The following RPS11 variants were observed in gnomAD, a reference collection of about 807,000 sequenced individuals.
RPS11 encodes the protein small ribosomal subunit protein uS17.
For synonymous variants in RPS11, 107 were observed against 78.0 expected (o/e 1.37, Z -1.96); for missense variants, 127 against 211.4 (o/e 0.60, Z 2.48).
chr19:49,497,712 G>C (rs768923901), intron 3 of RPS11, 117 bp downstream of exon 3: 1 of 1,160,702 alleles, frequency 8.6e-7, no homozygotes, highest in Admixed American at 1.7e-5. Context: ...TGTAGGTCCA[G>C]GTACATTGGC....
At chr19:49,496,596 G>C (rs993791554) in intron 1 of RPS11, 125 bp downstream of exon 1, 38 of 1,039,072 alleles carry the variant, frequency 3.7e-5, no homozygotes, top group Admixed American at 1.2e-4. Context: ...TTATTTTCTA[G>C]AGATTAACTG....
At chr19:49,499,396 T>C in intron 4 of RPS11, 116 bp from the exon 5 acceptor site, 1 of 1,126,818 alleles carries the variant, frequency 8.9e-7, no homozygotes, top group Admixed American at 2.5e-5. Flanking sequence ...TAGAGCTTGG[T>C]TGGGGTTTGG....
rs552444271 is a variant in RPS11, at chr19:49,496,996, G to C, written c.16-198G>C. ...ATAAATTGAAATAACCTCGGGCTTA[G>C]ATCTGAGTATGAATTACAGGTAAGG... is the stretch of plus-strand genomic sequence containing the variant. On this transcript the variant is annotated intron_variant, in intron 1 of 4. Coordinates refer to ENST00000270625, the MANE Select transcript of RPS11 (RefSeq NM_001015.5). 2.6e-5 allele frequency among the ~76,000 whole-genome samples: 4 copies of C among 152,202 alleles called. No individual in the cohort carries two copies. In the East Asian group the frequency reaches 7.7e-4, roughly 29 times the overall value.
intron 2 of RPS11, 76 bp downstream of exon 2, chr19:49,497,401 C>T: frequency 6.2e-7 from 1 of 1,603,802 alleles, no homozygotes; most frequent in Non-Finnish European, 8.5e-7. Context: ...GCCCTGCCTG[C>T]ATCTAAGTGG....
chr19:49,499,625 A>G lies in RPS11; in HGVS notation c.467A>G (p.Gln156Arg). 6.2e-7 allele frequency: 1 copy of G among 1,613,526 alleles called. No individual in the cohort carries two copies. The highest frequency in any genetic ancestry group is 8.5e-7 in the Non-Finnish European group (1 of 1,179,756). Residue 156 changes from glutamine to arginine, a missense_variant, in exon 5 of 5, where the codon CAG becomes CGG. Transcript: ENST00000270625. ...GCTGCCGGCACCAAGAAGCAGTTCC[A>G]GAAGTTCTGAGGCTGGACATCGGCC... ...TKAAGTKKQF[Q>R]KF is the part of the protein sequence containing the mutation.
chr19:49,497,907 C>T lies in RPS11; in HGVS notation c.224-10C>T. The T allele has an allele frequency of 6.2e-7, 1 of 1,614,154 alleles. No homozygotes were observed. Among genetic ancestry groups the T allele is most frequent in the Non-Finnish European group, 8.5e-7 (1 of 1,180,026 alleles). On this transcript the variant is annotated splice_polypyrimidine_tract_variant and intron_variant, in intron 3 of 4. Transcript: ENST00000270625. Reference sequence around the variant, plus strand: ...ATGGGACCTGACCTATGATCGGCCCCCGCTCCTAGGCGTGGTGACCAAGAT... The same window carrying T: ...ATGGGACCTGACCTATGATCGGCCCTCGCTCCTAGGCGTGGTGACCAAGAT...
Position 49,497,328 on chromosome 19 carries a change from G to T in RPS11, c.147+3G>T. 1 of 1,614,028 alleles carries T rather than the reference G, an allele frequency of 6.2e-7. No individual in the cohort carries two copies. Among genetic ancestry groups the T allele is most frequent in the Non-Finnish European group, 8.5e-7 (1 of 1,179,952 alleles). On this transcript the variant is annotated splice_donor_region_variant and intron_variant, in intron 2 of 4. Transcript: ENST00000270625. ...TGGGCTTCAAGACACCCAAGGAGGT[G>T]CGGGGAACCTCAGAAGAAAGAAGGG... is the stretch of plus-strand genomic sequence containing the variant.
chr19:49,498,600 G>C (rs1250718655), intron 4 of RPS11, among the ~76,000 whole-genome samples: 1 of 152,110 alleles, frequency 6.6e-6, no homozygotes, highest in Non-Finnish European at 1.5e-5. Context: ...AAAAATACAA[G>C]TTTGCCAGGT....
At chr19:49,497,397 C>A (rs1403036477) in intron 2 of RPS11, 72 bp downstream of exon 2, 3 of 1,605,374 alleles carry the variant, frequency 1.9e-6, no homozygotes, top group African/African-American at 2.7e-5. Flanking sequence ...AGTTGCCCTG[C>A]CTGCATCTAA....
rs904434220 is a variant in RPS11 at position 49,497,069 on chromosome 19, G to A, written c.16-125G>A. The A allele has an allele frequency of 5.0e-5, 58 of 1,152,120 alleles. 1 individual carries two copies. In the South Asian group the frequency reaches 8.8e-4, roughly 17 times the overall value. 71.4% of individuals were successfully genotyped at this position (1,152,120 alleles called of 1,614,324 possible). ...GGTGATTCTGGGGCACCAGGCCTTGGACGCCGGCGCTTTGCAAGTAAATGT... is the reference window on the plus strand; with the variant it reads ...GGTGATTCTGGGGCACCAGGCCTTGAACGCCGGCGCTTTGCAAGTAAATGT... On this transcript the variant is annotated intron_variant, in intron 1 of 4. Coordinates refer to ENST00000270625, the MANE Select transcript of RPS11 (RefSeq NM_001015.5).
chr19:49,498,282 T>C (rs1212591971), intron 4 of RPS11: 2 of 529,294 alleles, frequency 3.8e-6, no homozygotes, highest in Non-Finnish European at 6.8e-6. Context: ...GCATACATAG[T>C]GAGATGTTTT....
Position 49,497,160 on chromosome 19 carries a change from A to G in RPS11, c.16-34A>G, listed in dbSNP as rs535802139. ...CTGGTTGGCTGCCGGCTTCAAACTT[A>G]GCAGCTCATCAGTTTTCTCCTCATA... On this transcript the variant is annotated intron_variant, in intron 1 of 4. Coordinates refer to ENST00000270625, the MANE Select transcript of RPS11 (RefSeq NM_001015.5). The G allele has an allele frequency of 1.6e-5, 25 of 1,609,886 alleles. No individual in the cohort carries two copies. In the African/African-American group the frequency reaches 2.2e-4, roughly 14 times the overall value.
intron 1 of RPS11, 142 bp from the exon 2 acceptor site, chr19:49,497,052 T>G (rs1477907693): frequency 1.2e-6 from 1 of 862,318 alleles, no homozygotes; most frequent in Non-Finnish European, 1.8e-6. Flanking sequence ...AGGGTGATTC[T>G]GGGGCACCAG....
chr19:49,499,449 AGGGCCTCCTG>A (rs2079923691), intron 4 of RPS11, 53 bp from the exon 5 acceptor site: 21 of 1,563,590 alleles, frequency 1.3e-5, no homozygotes, highest in Non-Finnish European at 1.8e-5. Context: ...AAGGGGAGGG[AGGGCCTCCTG>A]GGGTCTGCTG....
Position 49,496,478 on chromosome 19 carries a change from A to G in RPS11, c.15+7A>G, listed in dbSNP as rs2079906738. On this transcript the variant is annotated splice_region_variant and intron_variant, in intron 1 of 4. Transcript: ENST00000270625. ...GAAGATGGCGGACATTCAGGTGCGG[A>G]CTCGGGGTTGGATGCCAGGGTGCGG... 1 of 1,609,926 alleles carries G rather than the reference A, an allele frequency of 6.2e-7. No individual in the cohort carries two copies. Among genetic ancestry groups the G allele is most frequent in the Admixed American group, 1.7e-5 (1 of 59,758 alleles).
At position 49,497,968 on chromosome 19, in the gene RPS11, A is replaced by G; in HGVS notation, c.275A>G (p.Tyr92Cys). Reference sequence around the variant, plus strand: ...AGGACCATTGTCATCCGCCGAGACTATCTGCACTACATCCGCAAGTACAAC... The same window carrying G: ...AGGACCATTGTCATCCGCCGAGACTGTCTGCACTACATCCGCAAGTACAAC... ...MQRTIVIRRD[Y>C]LHYIRKYNRF... is the part of the protein sequence containing the mutation. Residue 92 changes from tyrosine (Y) to cysteine (C), a missense_variant, in exon 4 of 5, where the codon TAT becomes TGT. By Grantham distance (194) the Tyr-to-Cys change is radical. Transcript: ENST00000270625. The G allele has an allele frequency of 6.2e-7, 1 of 1,614,136 alleles. No homozygotes were observed. The highest frequency in any genetic ancestry group is 8.5e-7 in the Non-Finnish European group (1 of 1,179,988).
chr19:49,499,061 T>C (rs2079921729), intron 4 of RPS11, among the ~76,000 whole-genome samples: 1 of 152,116 alleles, frequency 6.6e-6, no homozygotes, highest in African/African-American at 2.4e-5. Flanking sequence ...AATGGGGATG[T>C]GGGCAGCTGA....
intron 1 of RPS11, 76 bp from the exon 2 acceptor site, chr19:49,497,118 T>C: frequency 6.4e-7 from 1 of 1,565,704 alleles, no homozygotes; most frequent in Admixed American, 1.8e-5. Flanking sequence ...TGGGAGGTTC[T>C]GGGAAGGTCT....
chr19:49,499,163 A>T (rs1293127591), intron 4 of RPS11, among the ~76,000 whole-genome samples: 1 of 152,076 alleles, frequency 6.6e-6, no homozygotes, highest in East Asian at 1.9e-4. Context: ...ATGCTGAGCG[A>T]TAAGGGACCT....
Sources: allele counts gnomAD v4.1 joint callset (sites outside exome capture counted in the v4.1 genomes callset), GRCh38; gene constraint gnomAD v4.1.1; transcripts MANE v1.5; gene names NCBI Gene and HGNC (gene_info 2026-07-23, HGNC 2026-07-21).